Variants in FRYL observed in about 807,000 individuals in gnomAD.
FRYL encodes the protein FRY like transcription coactivator.
In FRYL, 150 loss-of-function variants were observed where a neutral mutation model predicts 351.2. That is an observed-to-expected ratio of 0.43 (90% confidence interval 0.37 to 0.49). The LOEUF (loss-of-function observed/expected upper bound fraction) is 0.49, where lower values mean the gene tolerates loss of function less well. Ranked by LOEUF, FRYL falls within the 20% of genes least tolerant of loss-of-function variation. FRYL has a pLI of 0.00. For missense variants in FRYL, 3,036 were observed against 3,619.3 expected (o/e 0.84, Z 4.13); for synonymous variants, 1,153 against 1,257.1 (o/e 0.92, Z 1.75).
chr4:48,620,359 G>C (rs1269694122), intron 6 of FRYL, among the ~76,000 whole-genome samples: 1 of 152,118 alleles, frequency 6.6e-6, no homozygotes, highest in Non-Finnish European at 1.5e-5. Context: ...GCTCCTCACT[G>C]AACTGCTGAA....
chr4:48,656,405 T>TAATATATA (rs1759145281), intron 3 of FRYL, among the ~76,000 whole-genome samples: 1 of 11,704 alleles, frequency 8.5e-5, no homozygotes, highest in East Asian at 3.6e-3. Context: ...AATATATAAT[T>TAATATATA]ATATATAATG....
Position 48,582,622 on chromosome 4 carries a change from A to G in FRYL, c.1861T>C (p.Phe621Leu). ...ACATCAGTCACTTCACGAACAATAA[A>G]ATAAACAAATCCTGAAAGAACATCC... ...REDVLSGFVYFIVREVTDVHP... is the reference protein window; with the variant it reads ...REDVLSGFVYLIVREVTDVHP... Residue 621 changes from phenylalanine to leucine, a missense_variant, in exon 20 of 64, where the codon TTT (phenylalanine) becomes CTT (leucine). By Grantham distance (22) the Phe-to-Leu change is conservative (BLOSUM62 0). Around this residue, in one of 7 missense-constraint regions of FRYL, gnomAD observed 492 missense variants for 551.5 expected, o/e 0.89. Coordinates refer to ENST00000358350, the MANE Select transcript of FRYL (RefSeq NM_015030.2). The G allele has an allele frequency of 6.2e-7, 1 of 1,614,072 alleles. No individual in the cohort carries two copies. The highest frequency in any genetic ancestry group is 8.5e-7 in the Non-Finnish European group (1 of 1,179,948).
intron 46 of FRYL, 107 bp from the exon 47 acceptor site, chr4:48,540,175 C>A (rs2148928720): frequency 8.7e-7 from 1 of 1,148,670 alleles, no homozygotes; most frequent in Non-Finnish European, 1.2e-6. Context: ...CTTTTCATTT[C>A]CTGGGATATT....
At chr4:48,756,309 T>C (rs1404405049) in intron 1 of FRYL, among the ~76,000 whole-genome samples, 1 of 152,114 alleles carries the variant, frequency 6.6e-6, no homozygotes, top group Non-Finnish European at 1.5e-5. Context: ...TCCAATAATG[T>C]AGATTTTATT....
chr4:48,531,207 A>C lies in FRYL; in HGVS notation c.6852T>G (p.Val2284=). The C allele has an allele frequency of 6.2e-7, 1 of 1,612,422 alleles. No homozygotes were observed. Among genetic ancestry groups the C allele is most frequent in the Non-Finnish European group, 8.5e-7 (1 of 1,178,524 alleles). ...EISFTKIFNN[V]SKELPGKTLD... ...AGGTCTTCCCAGGCAACTCCTTAGA[A>C]ACATTATTAAAAATTTTAGTGAAGG... Residue 2284 remains valine, a synonymous_variant, in exon 50 of 64, where the codon GTT becomes GTG. Coordinates refer to ENST00000358350, the MANE Select transcript of FRYL (RefSeq NM_015030.2).
At chr4:48,595,503 T>C (rs1744413471) in intron 15 of FRYL, 87 bp downstream of exon 15, 2 of 638,780 alleles carry the variant, frequency 3.1e-6, no homozygotes, top group Non-Finnish European at 5.3e-6. Flanking sequence ...TGTTTTTAGA[T>C]GCATAAAAAA....
intron 3 of FRYL, among the ~76,000 whole-genome samples, chr4:48,641,738 C>T (rs778945128): frequency 4.6e-5 from 7 of 152,158 alleles, no homozygotes; most frequent in Non-Finnish European, 7.4e-5. Context: ...TCCATAATTA[C>T]CAAATGCGGA....
At chr4:48,575,066 G>A (rs1293569630) in intron 25 of FRYL, 51 bp downstream of exon 25, 1 of 1,592,742 alleles carries the variant, frequency 6.3e-7, no homozygotes, top group Non-Finnish European at 8.6e-7. Flanking sequence ...CACCTTCTAA[G>A]TAGCACATTT....
intron 3 of FRYL, among the ~76,000 whole-genome samples, chr4:48,666,775 G>C: frequency 6.6e-6 from 1 of 151,994 alleles, no homozygotes. Context: ...TCTTCATCAA[G>C]TTGACTAGAA....
intron 3 of FRYL, among the ~76,000 whole-genome samples, chr4:48,640,732 T>C (rs1376314642): frequency 3.9e-5 from 6 of 152,162 alleles, no homozygotes; most frequent in African/African-American, 1.2e-4. Context: ...AGAGAGGGTA[T>C]GCGAGAACTC....
chr4:48,575,316 G>C, intron 24 of FRYL, 75 bp from the exon 25 acceptor site: 2 of 1,468,250 alleles, frequency 1.4e-6, no homozygotes, highest in Non-Finnish European at 1.9e-6. Context: ...GATTTCAGTA[G>C]TCTTATGTCA....
intron 7 of FRYL, among the ~76,000 whole-genome samples, chr4:48,614,627 CAGG>C (rs1422456787): frequency 3.8e-5 from 5 of 131,754 alleles, no homozygotes; most frequent in Non-Finnish European, 7.7e-5. Context: ...GAGGCTGAGG[CAGG>C]AGAACTGCTT....
chr4:48,715,120 T>A (rs1007480085), intron 1 of FRYL, among the ~76,000 whole-genome samples: 2 of 151,976 alleles, frequency 1.3e-5, no homozygotes, highest in Admixed American at 6.6e-5. Flanking sequence ...ATGGGACGTA[T>A]CTCAAAATAA....
intron 1 of FRYL, among the ~76,000 whole-genome samples, chr4:48,748,240 C>T (rs536954258): frequency 2.5e-4 from 38 of 151,236 alleles, no homozygotes; most frequent in Admixed American, 1.8e-3. Context: ...AGCGAGACTC[C>T]GTTTCAAAAA....
chr4:48,675,684 C>T (rs539605308), intron 3 of FRYL, among the ~76,000 whole-genome samples: 19 of 152,232 alleles, frequency 1.2e-4, no homozygotes, highest in Middle Eastern at 6.3e-3. Flanking sequence ...CCCTGCTCCA[C>T]GGTGCCCAGT....
intron 4 of FRYL, 81 bp from the exon 5 acceptor site, chr4:48,623,260 G>A: frequency 1.2e-6 from 1 of 824,988 alleles, no homozygotes. Flanking sequence ...ATAATAAACA[G>A]TTTAGATTTG....
chr4:48,533,606 A>G (rs944138785), intron 49 of FRYL, among the ~76,000 whole-genome samples: 12 of 152,200 alleles, frequency 7.9e-5, no homozygotes, highest in Non-Finnish European at 1.5e-4. Flanking sequence ...ATATTAATCT[A>G]TTAAGGTTGT....
In FRYL at chr4:48,742,973, A is replaced by ATTTTT. The variant is rs71191256; in HGVS notation, c.-383-32280_-383-32276dup. Reference sequence around the variant, plus strand: ...AGGTGTGCGCCACCACGCCTGGATAATTTTTTTTTTTTTTTTTTTTTTTTT... The same window carrying ATTTTT: ...AGGTGTGCGCCACCACGCCTGGATAATTTTTTTTTTTTTTTTTTTTTTTTTTTTTT... On this transcript the variant is annotated intron_variant, in intron 1 of 63. Coordinates refer to ENST00000358350, the MANE Select transcript of FRYL (RefSeq NM_015030.2). Among the ~76,000 whole-genome samples the ATTTTT allele has an allele frequency of 2.4e-4, 20 of 81,744 alleles. 2 individuals are homozygous for ATTTTT. The highest frequency in any genetic ancestry group is 1.3e-3 in the South Asian group (3 of 2,246). 53.6% of individuals were successfully genotyped at this position (81,744 alleles called of 152,430 possible). A position where few individuals can be genotyped will look rare whatever the true frequency, so the allele number is the denominator to read the frequency against.
chr4:48,499,438 A>G lies in FRYL; in HGVS notation c.9026T>C (p.Val3009Ala), dbSNP rs1373931145. The G allele has an allele frequency of 6.2e-7, 1 of 1,614,038 alleles. No individual in the cohort carries two copies. Among genetic ancestry groups the G allele is most frequent in the Admixed American group, 1.7e-5 (1 of 60,012 alleles). The part of the protein sequence containing the change: ...LAQAKPMGNM[V>A]STGF ...TGAAGTGTCTCAGAATCCAGTGCTCACCATATTTCCCATTGGTTTGGCCTG... is the reference window on the plus strand; with the variant it reads ...TGAAGTGTCTCAGAATCCAGTGCTCGCCATATTTCCCATTGGTTTGGCCTG... The change falls in exon 64 of 64, where the codon GTG (valine) becomes GCG (alanine). Residue 3009 changes from valine (V) to alanine (A), a missense_variant. Around this residue, in one of 7 missense-constraint regions of FRYL, gnomAD observed 1,987 missense variants for 2,311.7 expected, o/e 0.86. Coordinates refer to ENST00000358350, the MANE Select transcript of FRYL (RefSeq NM_015030.2).
Sources: allele counts gnomAD v4.1 joint callset (sites outside exome capture counted in the v4.1 genomes callset), GRCh38; gene constraint gnomAD v4.1.1; regional missense constraint gnomAD v4.1.1; transcripts MANE v1.5; gene names NCBI Gene and HGNC (gene_info 2026-07-23, HGNC 2026-07-21).